The following GNAS variants were observed in gnomAD, a reference collection of about 807,000 sequenced individuals.
The protein encoded by GNAS is GNAS complex locus.
In GNAS, 8 loss-of-function variants were observed where a neutral mutation model predicts 54.5. The ratio of observed to expected loss-of-function variants is 0.15; its 90% CI spans 0.09 to 0.26. The LOEUF is 0.26. Ranked by LOEUF, GNAS falls within the 10% of genes least tolerant of loss-of-function variation. The probability of loss-of-function intolerance (pLI) is 1.00; values close to 1 mark genes in which losing one functional copy is unlikely to be tolerated. For missense variants in GNAS, 170 were observed against 529.8 expected, an observed-to-expected ratio of 0.32 and a Z score of 6.67; for synonymous variants, 204 against 191.4, an observed-to-expected ratio of 1.07 and a Z score of -0.54.
At chr20:58,858,193 C>T (rs1269019325) in intron 1 of GNAS, among the ~76,000 whole-genome samples, 1 of 152,186 alleles carries the variant, frequency 6.6e-6, no homozygotes, top group African/African-American at 2.4e-5. Flanking sequence ...TAAAACAAGA[C>T]ATCCATACAT....
chr20:58,906,721 G>A (rs1214680704), intron 6 of GNAS, among the ~76,000 whole-genome samples: 9 of 152,144 alleles, frequency 5.9e-5, no homozygotes, highest in African/African-American at 1.2e-4. Context: ...TAGTAGAGAT[G>A]GGGTTTCACC....
chr20:58,860,552 AT>A (rs1012716033), intron 1 of GNAS, among the ~76,000 whole-genome samples: 1 of 151,462 alleles, frequency 6.6e-6, no homozygotes, highest in African/African-American at 2.4e-5. Flanking sequence ...CTTTGTAGTG[AT>A]TTTTTTTTAA....
chr20:58,867,583 A>G (rs567592883), intron 1 of GNAS: 9 of 152,338 alleles, frequency 5.9e-5, no homozygotes, highest in African/African-American at 1.9e-4. Flanking sequence ...CTAGAATAGT[A>G]CAAACAGCAC....
At chr20:58,868,689 G>T (rs1262509879) in intron 1 of GNAS, among the ~76,000 whole-genome samples, 1 of 152,132 alleles carries the variant, frequency 6.6e-6, no homozygotes, top group Non-Finnish European at 1.5e-5. Flanking sequence ...AGGAGTTCTC[G>T]AATTTCTTTC....
intron 1 of GNAS, among the ~76,000 whole-genome samples, chr20:58,860,613 G>A (rs771341002): frequency 2.0e-5 from 3 of 152,092 alleles, no homozygotes; most frequent in Non-Finnish European, 4.4e-5. Flanking sequence ...GCAAGAGTCA[G>A]TGCGTGGTCT....
In GNAS at chr20:58,903,811, G is replaced by T. The variant is rs777572495; in HGVS notation, c.432+20G>T. On this transcript the variant is annotated intron_variant, in intron 5 of 12. Transcript: ENST00000371085. ...CCTCCCGTAAGCTACACCCCGACTT[G>T]TGTGGCCTTAGCCCCGCCCACCTGA... 1.9e-6 allele frequency: 3 copies of T among 1,613,944 alleles called. No homozygotes were observed. Among genetic ancestry groups the T allele is most frequent in the Non-Finnish European group, 2.5e-6 (3 of 1,179,924 alleles).
chr20:58,860,152 T>C (rs1364374042), intron 1 of GNAS, among the ~76,000 whole-genome samples: 1 of 152,238 alleles, frequency 6.6e-6, no homozygotes, highest in Non-Finnish European at 1.5e-5. Flanking sequence ...TGGTTATAAA[T>C]GTCCATTGAG....
intron 1 of GNAS, among the ~76,000 whole-genome samples, chr20:58,865,615 C>T (rs2087019436): frequency 1.3e-5 from 2 of 148,380 alleles, no homozygotes; most frequent in Non-Finnish European, 1.5e-5. Context: ...TCACTCTTGT[C>T]GCCCAGGCTG....
chr20:58,900,214 A>C (rs778115964), intron 3 of GNAS: 36 of 541,486 alleles, frequency 6.6e-5, no homozygotes, highest in Non-Finnish European at 1.1e-4. Context: ...ACTAATTGAC[A>C]ATCTGCTGTA....
rs1442429952 is a variant in GNAS at position 58,854,600 on chromosome 20, G to A, written c.43+13714G>A. On this transcript the variant is annotated intron_variant, in intron 1 of 12. Transcript: ENST00000306090. ...CCCCAGCCGATCCCGACTCCGGGGCGGCCCCTGACGCCCCAGCCGATCCCG... is the reference window on the plus strand; with the variant it reads ...CCCCAGCCGATCCCGACTCCGGGGCAGCCCCTGACGCCCCAGCCGATCCCG... The A allele has an allele frequency of 1.9e-6, 3 of 1,538,830 alleles. No homozygotes were observed. Among genetic ancestry groups the A allele is most frequent in the Non-Finnish European group, 2.6e-6 (3 of 1,150,310 alleles).
upstream of GNAS, chr20:58,840,627 C>T (rs1426370411): frequency 1.2e-6 from 2 of 1,607,108 alleles, no homozygotes; most frequent in Non-Finnish European, 8.5e-7. The surrounding 1 kb of genome is among the most constrained non-coding windows in gnomAD (Gnocchi z 6.0). Context: ...CCCGACGCCT[C>T]CCCAAGTCGC....
intron 1 of GNAS, chr20:58,852,917 AC>A: frequency 1.3e-6 from 1 of 743,392 alleles, no homozygotes; most frequent in Non-Finnish European, 1.7e-6. Flanking sequence ...CCGAATCGGC[AC>A]GCTCGTCAGA....
intron 1 of GNAS, chr20:58,854,369 G>A: frequency 2.5e-6 from 4 of 1,573,354 alleles, no homozygotes; most frequent in South Asian, 1.2e-5. Flanking sequence ...CTGATGCCGC[G>A]GAGGGAGGAA....
chr20:58,888,771 T>G (rs2088789893), upstream of GNAS: 1 of 151,812 alleles, frequency 6.6e-6, no homozygotes, highest in Non-Finnish European at 1.5e-5. Flanking sequence ...CTCTGACACC[T>G]ACCTCGGCGG....
At chr20:58,851,877 G>A (rs373045486) in intron 1 of GNAS, among the ~76,000 whole-genome samples, 14 of 152,186 alleles carry the variant, frequency 9.2e-5, no homozygotes, top group Non-Finnish European at 1.6e-4. Context: ...CCAGCGCTGC[G>A]GCCGGTGCCC....
At chr20:58,900,061 C>G in intron 3 of GNAS, 3 of 595,820 alleles carry the variant, frequency 5.0e-6, no homozygotes, top group Non-Finnish European at 6.2e-6. Context: ...GAATACTATT[C>G]TGTTATCTGA....
At chr20:58,839,994 C>A, upstream of GNAS, 1 of 1,208,116 alleles carries the variant, frequency 8.3e-7, no homozygotes, top group Non-Finnish European at 1.2e-6. Context: ...ACCTCCGGGC[C>A]AGCTTCTCAC....
chr20:58,903,405 G>A, intron 3 of GNAS, 126 bp from the exon 4 acceptor site: 2 of 843,398 alleles, frequency 2.4e-6, no homozygotes, highest in South Asian at 2.8e-5. Context: ...TCTTTGCACA[G>A]ATCCGAACCC....
chr20:58,891,968 C>G (rs2089424041), intron 1 of GNAS, 103 bp downstream of exon 1: 2 of 775,992 alleles, frequency 2.6e-6, no homozygotes, highest in East Asian at 1.3e-4. Context: ...CGCGCGCTCC[C>G]GAGCCCCCCG....
Sources: gnomAD v4.1 joint callset for allele counts (sites outside exome capture counted in the v4.1 genomes callset) on GRCh38, gnomAD v4.1.1 for gene constraint, Gnocchi (gnomAD v3.1) non-coding constraint, MANE v1.5 for transcripts, NCBI Gene and HGNC (gene_info 2026-07-23, HGNC 2026-07-21) for gene names.